The following SMC5 variants were observed in gnomAD, a reference collection of about 807,000 sequenced individuals.
The protein encoded by SMC5 is structural maintenance of chromosomes protein 5.
SMC5 carries 88 observed loss-of-function variants against 148.3 expected under a neutral mutation model. The ratio of observed to expected loss-of-function variants is 0.59; its 90% confidence interval spans 0.50 to 0.71. The LOEUF (loss-of-function observed/expected upper bound fraction) is 0.71. Ranked by LOEUF, SMC5 falls within the 30% of genes least tolerant of loss-of-function variation. SMC5 has a pLI of 0.00. For synonymous variants in SMC5, 421 were observed against 432.8 expected, an observed-to-expected ratio of 0.97 and a Z score of 0.34; for missense variants, 1,142 against 1,298.9, an observed-to-expected ratio of 0.88 and a Z score of 1.86.
At chr9:70,280,964 G>A in intron 6 of SMC5, 65 bp downstream of exon 6, 1 of 1,557,444 alleles carries the variant, frequency 6.4e-7, no homozygotes, top group South Asian at 1.1e-5. Context: ...TATGATGAAA[G>A]TATTAGTTAC....
At chr9:70,273,161 AG>A (rs1377161147) in intron 3 of SMC5, among the ~76,000 whole-genome samples, 4 of 150,158 alleles carry the variant, frequency 2.7e-5, no homozygotes, top group African/African-American at 9.8e-5. Flanking sequence ...TGTGTGTTAT[AG>A]GGTGTCTTGC....
chr9:70,300,719 T>G (rs1467331241), intron 10 of SMC5, among the ~76,000 whole-genome samples: 1 of 152,288 alleles, frequency 6.6e-6, no homozygotes, highest in South Asian at 2.1e-4. Context: ...TGAAGCTATA[T>G]TTAATAAATC....
At chr9:70,296,719 T>C (rs1485410596) in intron 8 of SMC5, among the ~76,000 whole-genome samples, 1 of 152,220 alleles carries the variant, frequency 6.6e-6, no homozygotes, top group Non-Finnish European at 1.5e-5. Context: ...TTATGTGATG[T>C]GTTAAATTTA....
chr9:70,328,685 G>A (rs973913540), intron 17 of SMC5, among the ~76,000 whole-genome samples: 8 of 152,206 alleles, frequency 5.3e-5, no homozygotes, highest in African/African-American at 1.4e-4. Context: ...CCATTCTGGG[G>A]TCTGGAGGAC....
chr9:70,259,203 T>G lies in SMC5; in HGVS notation c.125T>G (p.Leu42Trp), dbSNP rs752130710. Residue 42 changes from leucine (L) to tryptophan (W), a missense_variant, in exon 1 of 25, where the codon TTG becomes TGG. Leu to Trp is a moderately conservative substitution (Grantham distance 61). This residue lies in a region of SMC5 where 297 missense variants were observed against 302.6 expected (regional missense o/e 0.98). Transcript: ENST00000361138. Reference protein sequence around the residue: ...RKNSAPQLPLLQSSGPFVEGS... With the variant: ...RKNSAPQLPLWQSSGPFVEGS... ...AATTCGGCCCCGCAGCTGCCGCTGT[T>G]GCAGTCGTCCGGGCCTTTCGTGGAA... is the stretch of plus-strand genomic sequence containing the variant. 14 of 1,608,552 alleles carry G rather than the reference T, an allele frequency of 8.7e-6. No individual in the cohort carries two copies. Among genetic ancestry groups the G allele is most frequent in the Non-Finnish European group, 1.1e-5 (13 of 1,177,388 alleles).
chr9:70,270,011 C>T (rs2118033684), intron 3 of SMC5, among the ~76,000 whole-genome samples: 1 of 152,240 alleles, frequency 6.6e-6, no homozygotes, highest in East Asian at 1.9e-4. Context: ...GGGGTTTTTT[C>T]CCCACACCCT....
chr9:70,310,200 G>A (rs115396443), intron 11 of SMC5, among the ~76,000 whole-genome samples: 2,522 of 152,244 alleles, frequency 0.017, 42 homozygotes, highest in South Asian at 0.07. Flanking sequence ...TTCATCAGAG[G>A]AGTCATTATC....
At chr9:70,339,145 A>G (rs1487961231) in intron 17 of SMC5, among the ~76,000 whole-genome samples, 2 of 152,168 alleles carry the variant, frequency 1.3e-5, no homozygotes, top group Non-Finnish European at 2.9e-5. Context: ...AGAGTCAAGA[A>G]TGGGCTGGGC....
intron 13 of SMC5, among the ~76,000 whole-genome samples, chr9:70,317,897 TGA>T (rs1030444700): frequency 9.9e-5 from 15 of 152,270 alleles, no homozygotes; most frequent in African/African-American, 2.6e-4. Context: ...ACAGTATAAC[TGA>T]GAGGAGGGGA....
intron 3 of SMC5, among the ~76,000 whole-genome samples, chr9:70,271,654 G>C (rs1471786151): frequency 6.6e-6 from 1 of 152,144 alleles, no homozygotes; most frequent in East Asian, 1.9e-4. Flanking sequence ...AAATAAAGCA[G>C]AAAAGGAGGA....
At chr9:70,287,416 C>T (rs144641550) in intron 8 of SMC5, among the ~76,000 whole-genome samples, 17 of 152,068 alleles carry the variant, frequency 1.1e-4, no homozygotes, top group East Asian at 1.9e-4. Context: ...GTGGGCCTGA[C>T]GACAAAATTA....
Position 70,298,051 on chromosome 9 carries a change from T to TA in SMC5, c.1140dup (p.Glu381ArgfsTer6). 6.2e-7 allele frequency: 1 copy of TA among 1,613,906 alleles called. No individual in the cohort carries two copies. Among genetic ancestry groups the TA allele is most frequent in the Non-Finnish European group, 8.5e-7 (1 of 1,179,910 alleles). ...AGAATAGGTAATACCCGCAAAATGA[T>TA]AGAGGATTTGCAAAATGAACTAAAG... is the stretch of plus-strand genomic sequence containing the variant. On this transcript the variant is annotated frameshift_variant, in exon 9 of 25. Transcript: ENST00000361138. LOFTEE classifies it high-confidence loss of function.
chr9:70,346,949 G>C, intron 19 of SMC5, 117 bp from the exon 20 acceptor site: 1 of 778,782 alleles, frequency 1.3e-6, no homozygotes, highest in Admixed American at 2.7e-5. Context: ...TTGTATTCTT[G>C]TGTGCCAGCA....
chr9:70,320,962 C>T lies in SMC5; in HGVS notation c.2150+1999C>T, dbSNP rs187578532. Reference sequence around the variant, plus strand: ...TTTTTACTTTCCATTGCTTTTACACCGTCAGTGCAAATGACAGCATGGTGA... The same window carrying T: ...TTTTTACTTTCCATTGCTTTTACACTGTCAGTGCAAATGACAGCATGGTGA... On this transcript the variant is annotated intron_variant, in intron 15 of 24. Coordinates refer to ENST00000361138, the MANE Select transcript of SMC5 (RefSeq NM_015110.4). Among the ~76,000 whole-genome samples the T allele has an allele frequency of 3.3e-5, 5 of 152,202 alleles. No homozygotes were observed. In the East Asian group the frequency reaches 5.8e-4, roughly 18 times the overall value.
At position 70,297,936 on chromosome 9, in the gene SMC5, T is replaced by G. The variant is rs1587658394; in HGVS notation, c.1054-30T>G. 5 of 1,594,662 alleles carry G rather than the reference T, an allele frequency of 3.1e-6. No individual in the cohort carries two copies. The East Asian group carries it at 1.1e-4, about 36-fold the overall frequency. On this transcript the variant is annotated intron_variant, in intron 8 of 24. Coordinates refer to ENST00000361138, the MANE Select transcript of SMC5 (RefSeq NM_015110.4). ...CTTATAAACCAAGAGGAAAACAGTC[T>G]CAAGTACTAACCTACTTTTGTTTTA...
chr9:70,306,982 A>T (rs1404550890), intron 11 of SMC5, among the ~76,000 whole-genome samples: 1 of 152,178 alleles, frequency 6.6e-6, no homozygotes, highest in Admixed American at 6.5e-5. Context: ...CAACATCATA[A>T]TTTTTGCCAA....
At chr9:70,278,375 C>T in intron 4 of SMC5, 116 bp from the exon 5 acceptor site, 1 of 924,366 alleles carries the variant, frequency 1.1e-6, no homozygotes, top group Non-Finnish European at 1.6e-6. Flanking sequence ...AGGTTTATAT[C>T]TCAAATGTTT....
intron 11 of SMC5, among the ~76,000 whole-genome samples, chr9:70,313,475 G>A (rs1286247018): frequency 6.6e-6 from 1 of 151,812 alleles, no homozygotes; most frequent in Non-Finnish European, 1.5e-5. Context: ...CTTATGCTTA[G>A]TAGTTGTTTT....
At chr9:70,276,601 GTTA>G (rs947803424) in intron 3 of SMC5, among the ~76,000 whole-genome samples, 19 of 152,228 alleles carry the variant, frequency 1.2e-4, no homozygotes, top group African/African-American at 4.6e-4. Flanking sequence ...ACATTCATAA[GTTA>G]TTATTGTCAT....
Sources: gnomAD v4.1 joint callset for allele counts (sites outside exome capture counted in the v4.1 genomes callset) on GRCh38, gnomAD v4.1.1 for gene constraint, gnomAD v4.1.1 regional missense constraint, MANE v1.5 for transcripts, NCBI Gene and HGNC (gene_info 2026-07-23, HGNC 2026-07-21) for gene names.